The following TAF1B variants were observed in gnomAD, a reference collection of about 807,000 sequenced individuals.
TAF1B encodes TATA-box binding protein associated factor, RNA polymerase I subunit B.
TAF1B carries 61 observed loss-of-function variants against 83.9 expected under a neutral mutation model. The ratio of observed to expected loss-of-function variants is 0.73; its 90% confidence interval spans 0.59 to 0.90. TAF1B has a LOEUF of 0.90. TAF1B is among the 40% of genes least tolerant of loss of function. The probability of loss-of-function intolerance (pLI) is 0.00; values close to 1 mark genes in which losing one functional copy is unlikely to be tolerated. For synonymous variants in TAF1B, 221 were observed against 224.6 expected (o/e 0.98, Z 0.14); for missense variants, 625 against 677.0 (o/e 0.92, Z 0.85).
chr2:9,934,115 T>C lies in TAF1B; in HGVS notation c.*131T>C, dbSNP rs1348979632. ...ATAGACTCTGACACATATTTACATA[T>C]ATATCAAGTGTGCTTAGAAAAATGT... On this transcript the variant is annotated 3_prime_UTR_variant, in exon 15 of 15. Coordinates refer to ENST00000263663, the MANE Select transcript of TAF1B (RefSeq NM_005680.3). 1 of 727,646 alleles carries C rather than the reference T, an allele frequency of 1.4e-6. No individual in the cohort carries two copies. Among genetic ancestry groups the C allele is most frequent in the African/African-American group, 1.8e-5 (1 of 56,296 alleles). 45.1% of individuals were successfully genotyped at this position (727,646 alleles called of 1,614,324 possible).
At chr2:9,919,144 A>G (rs376692779) in intron 13 of TAF1B, 33 bp downstream of exon 13, 18 of 1,547,950 alleles carry the variant, frequency 1.2e-5, no homozygotes, top group African/African-American at 9.6e-5. Flanking sequence ...AATACCAAGT[A>G]GCAACACAGT....
intron 8 of TAF1B, among the ~76,000 whole-genome samples, chr2:9,898,339 C>T (rs956237478): frequency 5.3e-5 from 8 of 152,146 alleles, no homozygotes; most frequent in African/African-American, 1.4e-4. Flanking sequence ...ATGGAGATTA[C>T]GCTTTGAGCA....
chr2:9,877,160 G>C (rs900827525), intron 7 of TAF1B, among the ~76,000 whole-genome samples: 1 of 152,056 alleles, frequency 6.6e-6, no homozygotes, highest in Admixed American at 6.6e-5. Flanking sequence ...TTTTCCCAAC[G>C]CTTTAATTAC....
At chr2:9,899,057 G>A (rs1335646720) in intron 8 of TAF1B, among the ~76,000 whole-genome samples, 2 of 151,896 alleles carry the variant, frequency 1.3e-5, no homozygotes, top group African/African-American at 2.4e-5. Context: ...CAGCTCAGTG[G>A]TATTAAGTGT....
At chr2:9,889,203 T>A (rs1664787579) in intron 8 of TAF1B, among the ~76,000 whole-genome samples, 1 of 152,098 alleles carries the variant, frequency 6.6e-6, no homozygotes. Context: ...TGGCCTCCCC[T>A]TGCCTTTTTC....
At chr2:9,880,822 T>C (rs1157597596) in intron 7 of TAF1B, among the ~76,000 whole-genome samples, 1 of 152,150 alleles carries the variant, frequency 6.6e-6, no homozygotes, top group African/African-American at 2.4e-5. Context: ...ACTAGGCAGC[T>C]TAAAAAGTGA....
At chr2:9,877,037 G>A (rs16867210) in intron 7 of TAF1B, among the ~76,000 whole-genome samples, 45,383 of 151,948 alleles carry the variant, frequency 0.3, 7,142 homozygotes, top group Admixed American at 0.37. Context: ...AAATAAAAAC[G>A]CTTTCCTCAG....
chr2:9,892,053 A>T (rs1194462751), intron 8 of TAF1B, among the ~76,000 whole-genome samples: 4 of 152,212 alleles, frequency 2.6e-5, no homozygotes, highest in Admixed American at 1.3e-4. Context: ...TGGCTCACCC[A>T]GAGCAACTTT....
At chr2:9,849,135 A>T (rs1663300473) in intron 2 of TAF1B, among the ~76,000 whole-genome samples, 1 of 152,242 alleles carries the variant, frequency 6.6e-6, no homozygotes, top group African/African-American at 2.4e-5. Context: ...TATTCATTTA[A>T]CAAACACTTT....
intron 9 of TAF1B, 91 bp from the exon 10 acceptor site, chr2:9,910,645 C>T: frequency 5.4e-6 from 6 of 1,119,786 alleles, no homozygotes; most frequent in Middle Eastern, 2.2e-4. Flanking sequence ...TGCATAGTGT[C>T]GTGTTTTAAG....
chr2:9,887,218 CT>C (rs1664706596), intron 8 of TAF1B, among the ~76,000 whole-genome samples: 1 of 152,134 alleles, frequency 6.6e-6, no homozygotes, highest in South Asian at 2.1e-4. Flanking sequence ...TTTCCTTCCT[CT>C]TTTAAGTTTT....
chr2:9,904,870 C>G lies in TAF1B; in HGVS notation c.819C>G (p.Asp273Glu), dbSNP rs76120746. The change falls in exon 9 of 15, where the codon GAC becomes GAG. Residue 273 changes from aspartate to glutamate, a missense_variant. Coordinates refer to ENST00000263663, the MANE Select transcript of TAF1B (RefSeq NM_005680.3). Reference protein sequence around the residue: ...RGIFGIESWPDYEDIYKKTVE... With the variant: ...RGIFGIESWPEYEDIYKKTVE... ...CTCTTTTATTTCAGTCTTGGCCTGA[C>G]TACGAGGACATCTACAAAAAAACAG... The G allele has an allele frequency of 0.019, 30,860 of 1,607,780 alleles. 387 individuals are homozygous for G. The highest frequency in any genetic ancestry group is 0.023 in the Non-Finnish European group (26,862 of 1,174,340).
chr2:9,907,800 T>G (rs1331083202), intron 9 of TAF1B, among the ~76,000 whole-genome samples: 1 of 152,112 alleles, frequency 6.6e-6, no homozygotes, highest in African/African-American at 2.4e-5. Flanking sequence ...GCAAGCAGGC[T>G]TCCCCTTGAC....
chr2:9,907,236 A>G (rs562750666), intron 9 of TAF1B, among the ~76,000 whole-genome samples: 2 of 151,244 alleles, frequency 1.3e-5, no homozygotes, highest in African/African-American at 2.4e-5. Context: ...TTAAGTTACG[A>G]TAGTCCCTAT....
intron 5 of TAF1B, among the ~76,000 whole-genome samples, chr2:9,863,860 C>T (rs922042866): frequency 7.2e-5 from 11 of 152,022 alleles, no homozygotes; most frequent in African/African-American, 1.7e-4. Context: ...GGGTACATAA[C>T]GAAATGAAGG....
chr2:9,885,310 CAT>C (rs1347574326), intron 8 of TAF1B, among the ~76,000 whole-genome samples: 1 of 152,156 alleles, frequency 6.6e-6, no homozygotes, highest in Non-Finnish European at 1.5e-5. Flanking sequence ...GCAGGGATCA[CAT>C]GAGATCACAG....
chr2:9,891,198 T>C (rs1664864326), intron 8 of TAF1B, among the ~76,000 whole-genome samples: 2 of 152,250 alleles, frequency 1.3e-5, no homozygotes, highest in South Asian at 4.1e-4. Flanking sequence ...TGTCACCTAG[T>C]GATGTTGTAG....
At position 9,914,189 on chromosome 2, in the gene TAF1B, A is replaced by G. The variant is rs1340642617; in HGVS notation, c.1271+940A>G. Among the ~76,000 whole-genome samples, 4 of 152,200 alleles carry G rather than the reference A, an allele frequency of 2.6e-5. No homozygotes were observed. The highest frequency in any genetic ancestry group is 5.9e-5 in the Non-Finnish European group (4 of 68,042). On this transcript the variant is annotated intron_variant, in intron 12 of 14. Coordinates refer to ENST00000263663, the MANE Select transcript of TAF1B (RefSeq NM_005680.3). The surrounding 1 kb of genome is among the most constrained non-coding windows in gnomAD (Gnocchi z 4.3). The stretch of plus-strand genomic sequence containing the variant: ...AACAGACTCTTGGGGTAGAAAAGGC[A>G]CTGTGGAGATGATCCTTTCCATAGC...
chr2:9,891,344 T>C (rs1273996377), intron 8 of TAF1B, among the ~76,000 whole-genome samples: 1 of 152,248 alleles, frequency 6.6e-6, no homozygotes, highest in Non-Finnish European at 1.5e-5. Flanking sequence ...TTAAAATTAC[T>C]GTCCTGTTTC....
Sources: gnomAD v4.1 joint callset for allele counts (sites outside exome capture counted in the v4.1 genomes callset) on GRCh38, gnomAD v4.1.1 for gene constraint, Gnocchi (gnomAD v3.1) non-coding constraint, MANE v1.5 for transcripts, NCBI Gene and HGNC (gene_info 2026-07-23, HGNC 2026-07-21) for gene names.